The following TIA1 variants were observed in gnomAD, a reference collection of about 807,000 sequenced individuals.
The protein encoded by TIA1 is cytotoxic granule associated RNA binding protein TIA1.
TIA1 carries 23 observed loss-of-function variants against 65.9 expected under a neutral mutation model. The observed-to-expected ratio is 0.35, with a 90% CI of 0.25 to 0.49. TIA1 has a LOEUF of 0.49. TIA1 is among the 20% of genes least tolerant of loss of function. The probability of loss-of-function intolerance (pLI) is 0.98; values close to 1 mark genes in which losing one functional copy is unlikely to be tolerated. For synonymous variants in TIA1, 147 were observed against 149.4 expected, an observed-to-expected ratio of 0.98 and a Z score of 0.12; for missense variants, 371 against 477.9, an observed-to-expected ratio of 0.78 and a Z score of 2.09.
chr2:70,212,984 C>A (rs1186558784), intron 12 of TIA1, 139 bp from the exon 13 acceptor site: 3 of 609,654 alleles, frequency 4.9e-6, no homozygotes, highest in Non-Finnish European at 5.9e-6. Context: ...ATAATTTATG[C>A]TAGGGAAAAT....
At position 70,212,912 on chromosome 2, in the gene TIA1, G is replaced by T. The variant is rs145782010; in HGVS notation, c.1035-67C>A. The T allele has an allele frequency of 4.9e-4, 518 of 1,047,132 alleles. 1 individual carries two copies. The highest frequency in any genetic ancestry group is 7.1e-4 in the Non-Finnish European group (481 of 676,812). 64.9% of individuals were successfully genotyped at this position (1,047,132 alleles called of 1,614,324 possible). A position where few individuals can be genotyped will look rare whatever the true frequency, so the allele number is the denominator to read the frequency against. ...ACTGATTAAAATAAAGTATTGGCAA[G>T]AACAAACAACAAGAACAAATATGGG... is the stretch of plus-strand genomic sequence containing the variant. On this transcript the variant is annotated intron_variant, in intron 12 of 12. Transcript: ENST00000433529.
At chr2:70,216,042 G>T (rs977379294) in intron 10 of TIA1, 166 bp downstream of exon 10, 1 of 642,024 alleles carries the variant, frequency 1.6e-6, no homozygotes, top group Non-Finnish European at 2.6e-6. Context: ...GTGAGCCACC[G>T]CACCCGGCCA....
intron 5 of TIA1, chr2:70,228,766 T>C: frequency 5.3e-6 from 7 of 1,315,144 alleles, no homozygotes; most frequent in Non-Finnish European, 6.8e-6. Flanking sequence ...GATCTGGGTA[T>C]GAAGCCCAAA....
chr2:70,237,884 G>A (rs1573704097), intron 1 of TIA1, among the ~76,000 whole-genome samples: 1 of 151,664 alleles, frequency 6.6e-6, no homozygotes, highest in Admixed American at 6.6e-5. Context: ...AAAAAAGGCT[G>A]GGTGCGGTGG....
chr2:70,220,103 C>G (rs1680591975), intron 7 of TIA1, among the ~76,000 whole-genome samples: 1 of 152,030 alleles, frequency 6.6e-6, no homozygotes, highest in Non-Finnish European at 1.5e-5. Context: ...TCCAATGACT[C>G]AAGTCCTCAT....
rs1026727948 is a variant in TIA1 at position 70,224,429 on chromosome 2, T to C, written c.474+125A>G. 6.7e-6 allele frequency: 9 copies of C among 1,336,458 alleles called. 1 individual carries two copies. The highest frequency in any genetic ancestry group is 2.9e-5 in the African/African-American group (2 of 68,072). The allele number at this position is 1,336,458 out of a possible 1,614,324, so 82.8% of individuals were successfully genotyped here. A position where few individuals can be genotyped will look rare whatever the true frequency, so the allele number is the denominator to read the frequency against. On this transcript the variant is annotated intron_variant, in intron 7 of 12. Coordinates refer to ENST00000433529, the MANE Select transcript of TIA1 (RefSeq NM_022173.4). ...AACAGACAAAACAGAAGAAATCTTC[T>C]AGTGAGGGTTTATTTTAATCATCAG...
At chr2:70,217,590 G>A (rs982607066) in intron 7 of TIA1, among the ~76,000 whole-genome samples, 2 of 152,034 alleles carry the variant, frequency 1.3e-5, no homozygotes, top group African/African-American at 2.4e-5. Flanking sequence ...GTAGAGACAC[G>A]GTTTCGCCAT....
chr2:70,236,169 G>C lies in TIA1; in HGVS notation c.33C>G (p.Val11=), dbSNP rs761527779. MEDEMPKTLY[V]GNLSRDVTEA... ...CTGTCACATCTCTGGAAAGGTTACC[G>C]ACGTATCTGAAACACAAAGAGAAAC... Residue 11 remains valine (V), a synonymous_variant, in exon 2 of 13, where the codon GTC becomes GTG. Transcript: ENST00000433529. The C allele has an allele frequency of 6.2e-6, 10 of 1,600,690 alleles. No homozygotes were observed. The highest frequency in any genetic ancestry group is 1.7e-5 in the Admixed American group (1 of 59,138).
chr2:70,222,409 T>G (rs1254830197), intron 7 of TIA1, among the ~76,000 whole-genome samples: 2 of 152,136 alleles, frequency 1.3e-5, no homozygotes, highest in Non-Finnish European at 2.9e-5. Context: ...TGAACTCAGT[T>G]TTTTTCCAGG....
chr2:70,213,429 C>T (rs1244586778), intron 12 of TIA1, among the ~76,000 whole-genome samples: 10 of 150,834 alleles, frequency 6.6e-5, no homozygotes, highest in African/African-American at 2.2e-4. Context: ...CTGCAACCTA[C>T]GTCTCCCCAG....
rs1009238581 is a variant in TIA1, at chr2:70,211,023, C to T, written c.*1696G>A. 1.3e-5 allele frequency: 2 copies of T among 152,096 alleles called. No homozygotes were observed. The highest frequency in any genetic ancestry group is 4.8e-5 in the African/African-American group (2 of 41,414). The allele number at this position is 152,096 out of a possible 1,614,324, so 9.4% of individuals were successfully genotyped here. ...TAGAGACCAGCTTGGAGTCATTTGCCCCTACCCGGGAAATGCAGGCCAGGA... is the reference window on the plus strand; with the variant it reads ...TAGAGACCAGCTTGGAGTCATTTGCTCCTACCCGGGAAATGCAGGCCAGGA... On this transcript the variant is annotated 3_prime_UTR_variant, in exon 13 of 13. Transcript: ENST00000433529.
chr2:70,236,202 CT>C (rs762400931), intron 1 of TIA1, 27 bp from the exon 2 acceptor site: 148,542 of 1,081,454 alleles, frequency 0.14, 2 homozygotes, highest in South Asian at 0.19. Context: ...AACAATTTAC[CT>C]TTTTTTTTTT....
chr2:70,246,383 T>C (rs974533702), intron 1 of TIA1, among the ~76,000 whole-genome samples: 4 of 152,154 alleles, frequency 2.6e-5, no homozygotes, highest in African/African-American at 9.7e-5. Context: ...AATCTTACAT[T>C]AAAATTAAAA....
In TIA1 at chr2:70,240,541, T is replaced by C. The variant is rs530801526; in HGVS notation, c.27-4366A>G. 5.3e-5 allele frequency among the ~76,000 whole-genome samples: 8 copies of C among 152,220 alleles called. No individual in the cohort carries two copies. In the South Asian group the frequency reaches 8.3e-4, roughly 16 times the overall value. Reference sequence around the variant, plus strand: ...GGAGTTTGAGTCCAGCCTGGGAACATAGCAAGACCTCATTTCTAAGATATA... The same window carrying C: ...GGAGTTTGAGTCCAGCCTGGGAACACAGCAAGACCTCATTTCTAAGATATA... On this transcript the variant is annotated intron_variant, in intron 1 of 12. Transcript: ENST00000433529.
intron 1 of TIA1, among the ~76,000 whole-genome samples, chr2:70,240,376 A>C (rs975920848): frequency 6.6e-6 from 1 of 152,230 alleles, no homozygotes; most frequent in African/African-American, 2.4e-5. Flanking sequence ...GACACTTTAT[A>C]AGACAACTCA....
At chr2:70,248,271 G>T (rs184168139) in intron 1 of TIA1, 134 bp downstream of exon 1, 13 of 985,064 alleles carry the variant, frequency 1.3e-5, no homozygotes, top group Non-Finnish European at 1.9e-5. Context: ...AAGCATCCAG[G>T]TGCATGCTAA....
chr2:70,231,398 A>G (rs1343924757), intron 2 of TIA1, among the ~76,000 whole-genome samples: 7 of 151,998 alleles, frequency 4.6e-5, no homozygotes, highest in Non-Finnish European at 8.8e-5. Context: ...AGGAGTTTGA[A>G]TCCAGCCTGG....
intron 7 of TIA1, among the ~76,000 whole-genome samples, chr2:70,221,907 C>T (rs544378234): frequency 6.6e-6 from 1 of 152,026 alleles, no homozygotes; most frequent in East Asian, 1.9e-4. Context: ...CCCACCTCTG[C>T]CTCTCAAGTA....
At chr2:70,223,487 T>C (rs1363967658) in intron 7 of TIA1, among the ~76,000 whole-genome samples, 1 of 152,062 alleles carries the variant, frequency 6.6e-6, no homozygotes, top group East Asian at 1.9e-4. Flanking sequence ...AGTGGCTTGA[T>C]CATGACTCAC....
Sources: allele counts gnomAD v4.1 joint callset (sites outside exome capture counted in the v4.1 genomes callset), GRCh38; gene constraint gnomAD v4.1.1; transcripts MANE v1.5; gene names NCBI Gene and HGNC (gene_info 2026-07-23, HGNC 2026-07-21).